Variants in DGKH observed in about 807,000 individuals in gnomAD.
The protein encoded by DGKH is diacylglycerol kinase eta.
DGKH carries 90 observed loss-of-function variants against 159.3 expected under a neutral mutation model. That is an observed-to-expected ratio of 0.57 (90% confidence interval 0.48 to 0.67). The LOEUF (loss-of-function observed/expected upper bound fraction) is 0.67, where lower values mean the gene tolerates loss of function less well. Among genes scored for constraint, DGKH ranks in the 30% least tolerant of loss-of-function variants. The pLI is 0.00. For missense variants in DGKH, 1,181 were observed against 1,506.1 expected, an observed-to-expected ratio of 0.78 and a Z score of 3.57; for synonymous variants, 536 against 553.8, an observed-to-expected ratio of 0.97 and a Z score of 0.45.
At chr13:42,087,091 A>G (rs548238699) in intron 1 of DGKH, among the ~76,000 whole-genome samples, 1 of 136,068 alleles carries the variant, frequency 7.3e-6, no homozygotes, top group East Asian at 2.1e-4. Context: ...ACACCTCAGA[A>G]CAGAGTAGGC....
intron 3 of DGKH, among the ~76,000 whole-genome samples, chr13:42,139,332 G>A (rs1398728155): frequency 1.3e-5 from 2 of 152,176 alleles, no homozygotes; most frequent in African/African-American, 4.8e-5. Flanking sequence ...CTGGAGCTCT[G>A]GGAACCTAGG....
At chr13:42,089,919 A>AT (rs1954383297) in intron 1 of DGKH, among the ~76,000 whole-genome samples, 1 of 47,820 alleles carries the variant, frequency 2.1e-5, no homozygotes, top group Non-Finnish European at 4.5e-5. Flanking sequence ...TTCTCAGATT[A>AT]CAAAAAATTA....
chr13:42,248,704 C>T (rs906054010), intron 29 of DGKH, among the ~76,000 whole-genome samples: 4 of 147,268 alleles, frequency 2.7e-5, no homozygotes, highest in South Asian at 2.1e-4. Flanking sequence ...ATATCTTTAC[C>T]GTACCTTTTC....
chr13:42,070,058 C>T, intron 1 of DGKH: 3 of 948,366 alleles, frequency 3.2e-6, no homozygotes, highest in Non-Finnish European at 5.2e-6. Context: ...TGAGTTTCAT[C>T]CATAAGCAAA....
At chr13:42,112,263 G>A (rs1410962311) in intron 1 of DGKH, among the ~76,000 whole-genome samples, 3 of 148,306 alleles carry the variant, frequency 2.0e-5, no homozygotes, top group African/African-American at 7.4e-5. Flanking sequence ...TATAGTCAAT[G>A]CATACCATCT....
chr13:42,255,774 T>G, intron 30 of DGKH: 1 of 475,144 alleles, frequency 2.1e-6, no homozygotes, highest in Non-Finnish European at 3.7e-6. Flanking sequence ...GAAGAAAATA[T>G]AAGGGAATAT....
Position 42,221,345 on chromosome 13 carries a change from A to G in DGKH, c.3524A>G (p.His1175Arg). 1.2e-6 allele frequency: 2 copies of G among 1,613,850 alleles called. No homozygotes were observed. The highest frequency in any genetic ancestry group is 1.7e-6 in the Non-Finnish European group (2 of 1,179,756). Residue 1175 changes from histidine to arginine, a missense_variant, in exon 29 of 30, where the codon CAT (histidine) becomes CGT (arginine). By Grantham distance (29) the His-to-Arg change is conservative. Transcript: ENST00000337343. ...GAGTACAAAGATATCTTCATCCGTC[A>G]TGACATCAGAGGGGCTGAACTTTTG... ...LGEYKDIFIR[H>R]DIRGAELLHL...
chr13:42,228,711 G>GAAAGA (rs1463070218), intron 29 of DGKH, among the ~76,000 whole-genome samples: 13 of 150,102 alleles, frequency 8.7e-5, no homozygotes, highest in African/African-American at 3.2e-4. Context: ...AATAAAGAAA[G>GAAAGA]AAAGAAAGAA....
rs76633285 is a variant in DGKH at position 42,125,373 on chromosome 13, A to G, written c.193-2090A>G. 6.3e-3 allele frequency among the ~76,000 whole-genome samples: 957 copies of G among 152,316 alleles called. 8 individuals carry two copies. The highest frequency in any genetic ancestry group is 0.022 in the African/African-American group (914 of 41,566). ...CTATTGAATGTTTTCTCTAACCCAG[A>G]CAGTGTGCTAAGTGCTCTACAGGCA... On this transcript the variant is annotated intron_variant, in intron 1 of 29. Coordinates refer to ENST00000337343, the MANE Select transcript of DGKH (RefSeq NM_178009.5).
At chr13:42,137,690 A>G (rs1173790025) in intron 3 of DGKH, among the ~76,000 whole-genome samples, 1 of 152,226 alleles carries the variant, frequency 6.6e-6, no homozygotes, top group East Asian at 1.9e-4. Flanking sequence ...TGGTCAGACT[A>G]CAAATTTAGA....
chr13:42,102,763 C>G (rs1479947474), intron 1 of DGKH, among the ~76,000 whole-genome samples: 2 of 152,084 alleles, frequency 1.3e-5, no homozygotes, highest in Admixed American at 6.5e-5. Context: ...TAGAGGTGAC[C>G]AGAGAACTTT....
At chr13:42,107,549 G>C (rs1253156814) in intron 1 of DGKH, among the ~76,000 whole-genome samples, 2 of 152,068 alleles carry the variant, frequency 1.3e-5, no homozygotes, top group Admixed American at 1.3e-4. Context: ...AGGGAGGGAG[G>C]GAGTATGGAG....
chr13:42,185,835 A>C (rs12585267), intron 13 of DGKH, among the ~76,000 whole-genome samples: 17,874 of 152,262 alleles, frequency 0.12, 1,527 homozygotes, highest in East Asian at 0.4. Flanking sequence ...GAGTTTAAAA[A>C]GCCAACAAAG....
intron 1 of DGKH, among the ~76,000 whole-genome samples, chr13:42,041,638 C>A (rs1019502039): frequency 6.6e-6 from 1 of 152,184 alleles, no homozygotes; most frequent in Non-Finnish European, 1.5e-5. Flanking sequence ...TTCCTTCTCT[C>A]TTCCGATTCA....
At chr13:42,246,444 T>G (rs1958580550), downstream of DGKH, among the ~76,000 whole-genome samples, 2 of 151,998 alleles carry the variant, frequency 1.3e-5, no homozygotes. Context: ...AGAGAGAGAA[T>G]ACAGGCAAAT....
At chr13:42,143,847 C>A (rs1013528100) in intron 3 of DGKH, among the ~76,000 whole-genome samples, 3 of 151,952 alleles carry the variant, frequency 2.0e-5, no homozygotes, top group African/African-American at 7.3e-5. Context: ...TTTAAAAAAA[C>A]CAGCTTCTGG....
intron 13 of DGKH, among the ~76,000 whole-genome samples, chr13:42,179,327 A>G (rs1956687252): frequency 2.6e-5 from 4 of 152,258 alleles, no homozygotes; most frequent in Admixed American, 2.0e-4. Context: ...AAAATACAGA[A>G]ATAATTGGAA....
chr13:42,176,292 G>A (rs139045318), intron 12 of DGKH, among the ~76,000 whole-genome samples: 9 of 152,102 alleles, frequency 5.9e-5, no homozygotes, highest in African/African-American at 2.2e-4. Flanking sequence ...TTTCTACCCT[G>A]CAGGGAAGAA....
intron 29 of DGKH, among the ~76,000 whole-genome samples, chr13:42,228,718 AGAAAAGAAAGAAAG>A (rs1958211145): frequency 2.0e-5 from 3 of 151,850 alleles, no homozygotes; most frequent in Non-Finnish European, 4.4e-5. Flanking sequence ...AAAGAAAGAA[AGAAAAGAAAGAAAG>A]AGAAAGAAAG....
Sources: allele counts gnomAD v4.1 joint callset (sites outside exome capture counted in the v4.1 genomes callset), GRCh38; gene constraint gnomAD v4.1.1; transcripts MANE v1.5; gene names NCBI Gene and HGNC (gene_info 2026-07-23, HGNC 2026-07-21).